The following PRKN variants were observed in gnomAD, a reference collection of about 807,000 sequenced individuals.
The protein encoded by PRKN is E3 ubiquitin-protein ligase parkin.
In PRKN, 56 loss-of-function variants were observed where a neutral mutation model predicts 59.5. The observed-to-expected ratio is 0.94, with a 90% CI of 0.76 to 1.18. The LOEUF (loss-of-function observed/expected upper bound fraction) is 1.18. Among genes scored for constraint, PRKN ranks in the 50% most tolerant of loss-of-function variants. The pLI, the probability that PRKN is intolerant of heterozygous loss-of-function variation, is 0.00. For synonymous variants in PRKN, 250 were observed against 222.1 expected, an observed-to-expected ratio of 1.13 and a Z score of -1.12; for missense variants, 657 against 596.4, an observed-to-expected ratio of 1.10 and a Z score of -1.06.
intron 2 of PRKN, among the ~76,000 whole-genome samples, chr6:162,310,236 C>T (rs527574787): frequency 2.6e-5 from 4 of 152,306 alleles, no homozygotes; most frequent in Non-Finnish European, 5.9e-5. Flanking sequence ...ACCAAAACTG[C>T]AGCTGTCTGA....
At chr6:161,534,754 C>A (rs1779351175) in intron 9 of PRKN, among the ~76,000 whole-genome samples, 1 of 152,172 alleles carries the variant, frequency 6.6e-6, no homozygotes, top group South Asian at 2.1e-4. Context: ...GCTGGATAAC[C>A]AATTCATGCA....
chr6:162,323,281 T>C (rs2128122390), intron 2 of PRKN, among the ~76,000 whole-genome samples: 1 of 142,946 alleles, frequency 7.0e-6, no homozygotes, highest in Non-Finnish European at 1.5e-5. Flanking sequence ...AATCTAAAAC[T>C]GAAAATTTGA....
At chr6:162,404,616 A>C (rs1160611624) in intron 2 of PRKN, among the ~76,000 whole-genome samples, 1 of 151,894 alleles carries the variant, frequency 6.6e-6, no homozygotes, top group Non-Finnish European at 1.5e-5. Flanking sequence ...GCAGTGGTAC[A>C]ATCTTGGCTC....
At chr6:162,208,591 G>T (rs1391688090) in intron 3 of PRKN, among the ~76,000 whole-genome samples, 4 of 151,972 alleles carry the variant, frequency 2.6e-5, no homozygotes, top group Admixed American at 2.0e-4. Context: ...CAAAACTGTA[G>T]AGTGAAGCAA....
At chr6:162,401,095 G>GT (rs1429683057) in intron 2 of PRKN, among the ~76,000 whole-genome samples, 3 of 151,860 alleles carry the variant, frequency 2.0e-5, no homozygotes, top group African/African-American at 7.3e-5. Context: ...AAAAGCAAGT[G>GT]TTTTTAAAAA....
intron 1 of PRKN, among the ~76,000 whole-genome samples, chr6:162,592,187 C>T (rs772530311): frequency 5.9e-5 from 9 of 152,050 alleles, no homozygotes; most frequent in Non-Finnish European, 8.8e-5. Flanking sequence ...GCAGTAGAGA[C>T]GAGGTTTCAC....
chr6:161,571,220 T>C (rs1050903940), intron 7 of PRKN, among the ~76,000 whole-genome samples: 4 of 152,176 alleles, frequency 2.6e-5, no homozygotes, highest in Admixed American at 2.6e-4. Flanking sequence ...GCTGGGATTA[T>C]AGGCGTGAGC....
chr6:162,542,433 C>T (rs559930801), intron 1 of PRKN, among the ~76,000 whole-genome samples: 128 of 152,212 alleles, frequency 8.4e-4, no homozygotes, highest in African/African-American at 3.0e-3. Context: ...CATGTCTTAA[C>T]CACTAAAATA....
At chr6:162,249,158 G>A (rs534573384) in intron 3 of PRKN, among the ~76,000 whole-genome samples, 23 of 152,300 alleles carry the variant, frequency 1.5e-4, no homozygotes, top group East Asian at 1.2e-3. Context: ...GATTACAGGC[G>A]TGAGCCACCA....
At chr6:161,769,930 C>T (rs1177360120) in intron 7 of PRKN, among the ~76,000 whole-genome samples, 1 of 152,076 alleles carries the variant, frequency 6.6e-6, no homozygotes, top group Non-Finnish European at 1.5e-5. Context: ...CAGTTTAGTC[C>T]ACAATAACTG....
At chr6:162,023,738 A>G (rs1783306383) in intron 5 of PRKN, among the ~76,000 whole-genome samples, 1 of 152,044 alleles carries the variant, frequency 6.6e-6, no homozygotes, top group South Asian at 2.1e-4. Context: ...CGAAAGCAGG[A>G]CTACCTGTCT....
chr6:161,742,532 G>A (rs1362924318), intron 7 of PRKN, among the ~76,000 whole-genome samples: 1 of 152,172 alleles, frequency 6.6e-6, no homozygotes, highest in Non-Finnish European at 1.5e-5. Context: ...CATCTGCCCT[G>A]AAACACCTCC....
chr6:162,106,399 CT>C (rs11398715), intron 4 of PRKN, among the ~76,000 whole-genome samples: 4,603 of 144,360 alleles, frequency 0.032, 232 homozygotes, highest in African/African-American at 0.11. Context: ...GAGTGAATTC[CT>C]TTTTTTTTTT....
intron 1 of PRKN, among the ~76,000 whole-genome samples, chr6:162,582,432 T>A (rs1401488552): frequency 6.6e-6 from 1 of 152,206 alleles, no homozygotes. Flanking sequence ...GAGGATAAAA[T>A]ATCCTGATTA....
intron 1 of PRKN, among the ~76,000 whole-genome samples, chr6:162,695,457 AT>A (rs1271419494): frequency 6.6e-6 from 1 of 152,196 alleles, no homozygotes; most frequent in Non-Finnish European, 1.5e-5. Context: ...CCATTAAAAA[AT>A]GTCAAGACAT....
intron 1 of PRKN, among the ~76,000 whole-genome samples, chr6:162,667,743 G>T (rs1779156838): frequency 6.6e-6 from 1 of 152,012 alleles, no homozygotes; most frequent in Non-Finnish European, 1.5e-5. Context: ...TATCTGGATT[G>T]GAATCTCGAT....
At chr6:162,633,782 G>A (rs2128223115) in intron 1 of PRKN, among the ~76,000 whole-genome samples, 1 of 152,232 alleles carries the variant, frequency 6.6e-6, no homozygotes, top group Non-Finnish European at 1.5e-5. Context: ...GTGAGGGATG[G>A]CAGGATGAAG....
At chr6:161,570,295 AT>A (rs1780840468) in intron 7 of PRKN, among the ~76,000 whole-genome samples, 1 of 146,754 alleles carries the variant, frequency 6.8e-6, no homozygotes, top group Non-Finnish European at 1.5e-5. Context: ...TAAATATATA[AT>A]TTTATAGAAT....
rs118061397 is a variant in PRKN, at chr6:161,454,621, C to G, written c.1084-67744G>C. On this transcript the variant is annotated intron_variant, in intron 9 of 11. Transcript: ENST00000366898. The surrounding 1 kb of genome is among the most constrained non-coding windows in gnomAD (Gnocchi z 4.6). ...CAAGCCCAAGTTTATTTTGGGGGAA[C>G]TTTGCGCCAGCATTGTAGTTATACT... Among the ~76,000 whole-genome samples, 415 of 152,266 alleles carry G rather than the reference C, an allele frequency of 2.7e-3. 14 individuals carry two copies. In the East Asian group the frequency reaches 0.04, roughly 15 times the overall value.
Sources: gnomAD v4.1 joint callset for allele counts (sites outside exome capture counted in the v4.1 genomes callset) on GRCh38, gnomAD v4.1.1 for gene constraint, Gnocchi (gnomAD v3.1) non-coding constraint, MANE v1.5 for transcripts, NCBI Gene and HGNC (gene_info 2026-07-23, HGNC 2026-07-21) for gene names.